The following PPT1 variants were observed in gnomAD, a reference collection of about 807,000 sequenced individuals.
PPT1 encodes the protein ceroid-palmitoyl-palmitoyl-protein thioesterase 1.
Under a neutral mutation model 44.0 loss-of-function variants are expected in PPT1, and 24 were observed. The observed-to-expected ratio is 0.54, with a 90% CI of 0.39 to 0.77. PPT1 has a LOEUF of 0.77. Ranked by LOEUF, PPT1 falls within the 30% of genes least tolerant of loss-of-function variation. PPT1 has a pLI of 0.00. For missense variants in PPT1, 341 were observed against 378.8 expected (o/e 0.90, Z 0.83); for synonymous variants, 148 against 140.2 (o/e 1.06, Z -0.39).
At chr1:40,079,205 T>C (rs1270171179) in intron 6 of PPT1, among the ~76,000 whole-genome samples, 1 of 152,172 alleles carries the variant, frequency 6.6e-6, no homozygotes, top group African/African-American at 2.4e-5. Flanking sequence ...TAATATTCCA[T>C]GGTGTATATG....
chr1:40,093,002 C>T (rs926690815), intron 1 of PPT1, among the ~76,000 whole-genome samples: 1 of 152,172 alleles, frequency 6.6e-6, no homozygotes, highest in African/African-American at 2.4e-5. Context: ...TACTAAATGA[C>T]TCAGCAATTC....
chr1:40,091,046 C>T (rs1021804611), intron 4 of PPT1, among the ~76,000 whole-genome samples: 1 of 152,202 alleles, frequency 6.6e-6, no homozygotes, highest in Non-Finnish European at 1.5e-5. Flanking sequence ...TTTCCTAACT[C>T]CTCAACCACC....
intron 3 of PPT1, 67 bp downstream of exon 3, chr1:40,091,978 T>C (rs1448188861): frequency 6.3e-7 from 1 of 1,580,658 alleles, no homozygotes; most frequent in Non-Finnish European, 8.7e-7. Context: ...AGGAGTGGAT[T>C]TATCTGAATA....
At chr1:40,081,306 C>T (rs1376153045) in intron 5 of PPT1, among the ~76,000 whole-genome samples, 3 of 152,000 alleles carry the variant, frequency 2.0e-5, no homozygotes, top group Admixed American at 6.6e-5. Context: ...GAGGCCAAGG[C>T]GGGCAGATCG....
At chr1:40,087,457 G>T (rs762045907) in intron 5 of PPT1, among the ~76,000 whole-genome samples, 12 of 151,924 alleles carry the variant, frequency 7.9e-5, no homozygotes, top group Non-Finnish European at 1.3e-4. Flanking sequence ...TGGCCAGGCT[G>T]GTCTTGAACT....
At chr1:40,086,621 T>A (rs905363879) in intron 5 of PPT1, among the ~76,000 whole-genome samples, 1 of 152,126 alleles carries the variant, frequency 6.6e-6, no homozygotes, top group Non-Finnish European at 1.5e-5. Context: ...TGACCTGAGC[T>A]GGGGCATGGT....
At position 40,076,829 on chromosome 1, in the gene PPT1, C is replaced by G. The variant is rs1161362216; in HGVS notation, c.798+13G>C. 1 of 1,614,108 alleles carries G rather than the reference C, an allele frequency of 6.2e-7. No individual in the cohort carries two copies. The highest frequency in any genetic ancestry group is 1.1e-5 in the South Asian group (1 of 91,080). Reference sequence around the variant, plus strand: ...AAACACCAACCTCCCAAGATAGACTCCCTGCCAGTTACCTGTGTGTACAGG... The same window carrying G: ...AAACACCAACCTCCCAAGATAGACTGCCTGCCAGTTACCTGTGTGTACAGG... On this transcript the variant is annotated intron_variant, in intron 8 of 8. Transcript: ENST00000642050.
Position 40,073,962 on chromosome 1 carries a change from G to T in PPT1, c.*99C>A. The T allele has an allele frequency of 6.6e-7, 1 of 1,505,642 alleles. No individual in the cohort carries two copies. The highest frequency in any genetic ancestry group is 9.2e-7 in the Non-Finnish European group (1 of 1,088,360). The allele number at this position is 1,505,642 out of a possible 1,614,324, so 93.3% of individuals were successfully genotyped here. A position where few individuals can be genotyped will look rare whatever the true frequency, so the allele number is the denominator to read the frequency against. On this transcript the variant is annotated 3_prime_UTR_variant, in exon 9 of 9. Transcript: ENST00000642050. ...TAGATGATAGAAGGATTAGTTGCAA[G>T]CTGGATCTGAGCTCAGGCTTGGGCA...
intron 1 of PPT1, among the ~76,000 whole-genome samples, chr1:40,094,717 T>C (rs2124491336): frequency 6.6e-6 from 1 of 152,300 alleles, no homozygotes; most frequent in Admixed American, 6.5e-5. Context: ...CTTATTCCAT[T>C]TTCAACCTGC....
In PPT1 at chr1:40,078,667, A is replaced by C; in HGVS notation, c.628-9T>G. 1 of 1,607,158 alleles carries C rather than the reference A, an allele frequency of 6.2e-7. No homozygotes were observed. Among genetic ancestry groups the C allele is most frequent in the Non-Finnish European group, 8.5e-7 (1 of 1,173,974 alleles). ...TAGGACTCATTGATACCCTGAAAGA[A>C]AGGCCAGCAACACCTAAGGTCATTA... On this transcript the variant is annotated splice_polypyrimidine_tract_variant and intron_variant, in intron 6 of 8. Transcript: ENST00000642050.
At chr1:40,085,281 T>A (rs1196081388) in intron 5 of PPT1, among the ~76,000 whole-genome samples, 4 of 152,164 alleles carry the variant, frequency 2.6e-5, no homozygotes, top group Non-Finnish European at 5.9e-5. Context: ...TCTCCCCACC[T>A]CGGCTGCCAA....
chr1:40,076,805 A>T, intron 8 of PPT1, 37 bp downstream of exon 8: 1 of 1,613,790 alleles, frequency 6.2e-7, no homozygotes, highest in Non-Finnish European at 8.5e-7. Flanking sequence ...GAGCTGAAAA[A>T]ACACCAACCT....
At chr1:40,071,930 AGCATG>A, downstream of PPT1, 1 of 411,954 alleles carries the variant, frequency 2.4e-6, no homozygotes, top group Non-Finnish European at 4.3e-6. Context: ...TTTAACAATG[AGCATG>A]AAGGTAGCAG....
At chr1:40,087,661 GT>G (rs1278500610) in intron 5 of PPT1, among the ~76,000 whole-genome samples, 1 of 151,808 alleles carries the variant, frequency 6.6e-6, no homozygotes, top group Non-Finnish European at 1.5e-5. Context: ...AAGTATAGGC[GT>G]TTTGGAGGCA....
chr1:40,094,210 C>A (rs1288714322), intron 1 of PPT1, among the ~76,000 whole-genome samples: 4 of 152,152 alleles, frequency 2.6e-5, no homozygotes, highest in Admixed American at 2.0e-4. Flanking sequence ...GGTCTTCAAC[C>A]TTTTTGGCAC....
intron 1 of PPT1, among the ~76,000 whole-genome samples, chr1:40,095,808 C>T (rs952435592): frequency 2.0e-5 from 3 of 152,130 alleles, no homozygotes; most frequent in East Asian, 1.9e-4. Context: ...CCATCCATGA[C>T]GCCCTACGAT....
intron 1 of PPT1, 43 bp downstream of exon 1, chr1:40,097,072 G>A: frequency 6.2e-7 from 1 of 1,613,924 alleles, no homozygotes. Context: ...AGGCTAGGAA[G>A]AGAGAGAATC....
chr1:40,082,073 GC>G (rs1648971594), intron 5 of PPT1: 1 of 152,154 alleles, frequency 6.6e-6, no homozygotes, highest in South Asian at 2.1e-4. Context: ...TTCCCTTCCA[GC>G]CCCCACCTCC....
intron 5 of PPT1, among the ~76,000 whole-genome samples, chr1:40,080,853 G>T (rs542380910): frequency 6.6e-6 from 1 of 152,094 alleles, no homozygotes; most frequent in Non-Finnish European, 1.5e-5. Flanking sequence ...CAGCCTGTGC[G>T]ACAGAGTGAG....
Sources: allele counts gnomAD v4.1 joint callset (sites outside exome capture counted in the v4.1 genomes callset), GRCh38; gene constraint gnomAD v4.1.1; transcripts MANE v1.5; gene names NCBI Gene and HGNC (gene_info 2026-07-23, HGNC 2026-07-21).